Variants in CDH23 observed in about 807,000 individuals in gnomAD.
CDH23 encodes the protein cadherin-23.
Under a neutral mutation model 317.1 loss-of-function variants are expected in CDH23, and 189 were observed. The observed-to-expected ratio is 0.60, with a 90% CI of 0.53 to 0.67. The LOEUF (loss-of-function observed/expected upper bound fraction) is 0.67. Ranked by LOEUF, CDH23 falls within the 30% of genes least tolerant of loss-of-function variation. The pLI is 0.00. For synonymous variants in CDH23, 1,839 were observed against 1,876.8 expected (o/e 0.98, Z 0.52); for missense variants, 4,401 against 4,592.4 (o/e 0.96, Z 1.20).
Position 71,732,090 on chromosome 10 carries a change from C to G in CDH23, c.3819C>G (p.Tyr1273Ter). ...GLIITVNYLD[Y>*]ETKTSYMMNV... Reference sequence around the variant, plus strand: ...TCATCACCGTGAATTACCTGGACTACGAGACCAAGACCAGCTACATGATGA... The same window carrying G: ...TCATCACCGTGAATTACCTGGACTAGGAGACCAAGACCAGCTACATGATGA... Residue 1273 changes from tyrosine (Y) to a stop codon, truncating the protein, a stop_gained, in exon 32 of 70, where the codon TAC becomes TAG. Transcript: ENST00000224721. LOFTEE classifies it high-confidence loss of function. The G allele has an allele frequency of 6.2e-7, 1 of 1,614,028 alleles. No individual in the cohort carries two copies. The highest frequency in any genetic ancestry group is 8.5e-7 in the Non-Finnish European group (1 of 1,179,890).
rs1278278227 is a variant in CDH23 at position 71,793,178 on chromosome 10, ACAG to A, written c.6254-3_6254-1del. On this transcript the variant is annotated splice_acceptor_variant and splice_polypyrimidine_tract_variant and intron_variant, in intron 47 of 69. Coordinates refer to ENST00000224721, the MANE Select transcript of CDH23 (RefSeq NM_022124.6). LOFTEE classifies it high-confidence loss of function. Reference sequence around the variant, plus strand: ...GCAGCTACTCCCTTTTCCCTCTCCAACAGGATTCTCAGTCCTTCAAGTCACAGC... The same window carrying A: ...GCAGCTACTCCCTTTTCCCTCTCCAAGATTCTCAGTCCTTCAAGTCACAGC... 7 of 1,607,780 alleles carry A rather than the reference ACAG, an allele frequency of 4.4e-6. No homozygotes were observed. The highest frequency in any genetic ancestry group is 6.0e-6 in the Non-Finnish European group (7 of 1,176,000).
At chr10:71,635,697 G>A (rs550413978) in intron 11 of CDH23, among the ~76,000 whole-genome samples, 6 of 152,072 alleles carry the variant, frequency 3.9e-5, no homozygotes, top group African/African-American at 9.6e-5. Flanking sequence ...GGGCAAGAAG[G>A]GGGGAGGAAA....
chr10:71,605,476 C>T (rs1860477514), intron 9 of CDH23, among the ~76,000 whole-genome samples: 1 of 152,148 alleles, frequency 6.6e-6, no homozygotes, highest in Admixed American at 6.5e-5. Flanking sequence ...AGGACTGCCT[C>T]CCACAACAAA....
chr10:71,496,427 A>G (rs774018405), intron 3 of CDH23, among the ~76,000 whole-genome samples: 1 of 152,114 alleles, frequency 6.6e-6, no homozygotes, highest in Non-Finnish European at 1.5e-5. Flanking sequence ...GGGTAAGCAC[A>G]TGGAGAACTG....
chr10:71,786,565 T>A (rs1002678229), intron 44 of CDH23, among the ~76,000 whole-genome samples: 2 of 147,812 alleles, frequency 1.4e-5, no homozygotes, highest in Non-Finnish European at 1.5e-5. Flanking sequence ...AATCGTGATC[T>A]CAGCTCACTG....
At chr10:71,522,139 T>TG (rs1243915164) in intron 6 of CDH23, among the ~76,000 whole-genome samples, 2 of 149,640 alleles carry the variant, frequency 1.3e-5, no homozygotes, top group Non-Finnish European at 3.0e-5. Flanking sequence ...TTTTTTTTTT[T>TG]GTCTTATTTT....
chr10:71,698,975 G>A (rs897543419), intron 22 of CDH23, among the ~76,000 whole-genome samples: 3 of 152,180 alleles, frequency 2.0e-5, no homozygotes, highest in Non-Finnish European at 4.4e-5. Flanking sequence ...AATAGGGCTA[G>A]TAAGAGTCCC....
chr10:71,584,072 G>A (rs1034922755), intron 9 of CDH23, among the ~76,000 whole-genome samples: 3 of 152,178 alleles, frequency 2.0e-5, no homozygotes, highest in African/African-American at 7.2e-5. Context: ...TGATGCTGCT[G>A]GTCTGGGGAC....
chr10:71,431,200 T>A (rs1052582925), intron 1 of CDH23, among the ~76,000 whole-genome samples: 32 of 152,326 alleles, frequency 2.1e-4, no homozygotes, highest in African/African-American at 7.7e-4. Context: ...TCTTTTGCTG[T>A]ATGATATTTT....
intron 9 of CDH23, among the ~76,000 whole-genome samples, chr10:71,603,078 G>T (rs563516274): frequency 7.2e-5 from 11 of 152,210 alleles, no homozygotes; most frequent in Admixed American, 6.5e-5. Context: ...TAGATAGGTG[G>T]TCTCTGGTGT....
chr10:71,571,045 G>A (rs1857766621), intron 8 of CDH23, 127 bp downstream of exon 8: 2 of 1,023,242 alleles, frequency 2.0e-6, no homozygotes, highest in Non-Finnish European at 2.9e-6. Context: ...CCCTGTGCGT[G>A]GCAGTGATGA....
chr10:71,614,108 C>T (rs116531528), intron 9 of CDH23, among the ~76,000 whole-genome samples: 54 of 152,292 alleles, frequency 3.5e-4, no homozygotes, highest in African/African-American at 1.2e-3. Flanking sequence ...AATTAATGAC[C>T]CCTCCTCTAT....
intron 6 of CDH23, among the ~76,000 whole-genome samples, chr10:71,514,479 A>G (rs1854166643): frequency 6.6e-6 from 1 of 152,154 alleles, no homozygotes; most frequent in Non-Finnish European, 1.5e-5. Flanking sequence ...CAGGCCAGGA[A>G]CAGCAGGGAG....
chr10:71,767,410 A>G (rs1840576733), intron 38 of CDH23, among the ~76,000 whole-genome samples: 1 of 152,226 alleles, frequency 6.6e-6, no homozygotes, highest in African/African-American at 2.4e-5. Flanking sequence ...ACCAGCTGCT[A>G]GAGGTTGTCA....
intron 9 of CDH23, among the ~76,000 whole-genome samples, chr10:71,598,902 C>G (rs113335602): frequency 3.2e-3 from 487 of 152,314 alleles, no homozygotes; most frequent in African/African-American, 0.011. Context: ...GTGTGGGGCA[C>G]TGGGCCAAGG....
intron 34 of CDH23, among the ~76,000 whole-genome samples, chr10:71,736,004 A>G (rs923840914): frequency 6.6e-6 from 1 of 152,214 alleles, no homozygotes; most frequent in Non-Finnish European, 1.5e-5. Flanking sequence ...CAATGGGCCC[A>G]CCTGGCCCTC....
In CDH23 at chr10:71,806,259, A is replaced by C; in HGVS notation, c.8156A>C (p.Glu2719Ala). The C allele has an allele frequency of 1.3e-6, 2 of 1,565,508 alleles. No homozygotes were observed. The highest frequency in any genetic ancestry group is 1.7e-6 in the Non-Finnish European group (2 of 1,155,420). Reference protein sequence around the residue: ...QVALEDIDDNEPLFVRPPKGS... With the variant: ...QVALEDIDDNAPLFVRPPKGS... ...GCCCTGGAGGACATCGATGACAACG[A>C]ACCCCTTTTCGTGAGGCCTCCAGTG... The change falls in exon 57 of 70, where the codon GAA becomes GCA. Residue 2719 changes from glutamate (E) to alanine (A), a missense_variant. By Grantham distance (107) the Glu-to-Ala change is moderately radical (BLOSUM62 -1). Around this residue, in one of 3 missense-constraint regions of CDH23, gnomAD observed 1,144 missense variants for 1,138.2 expected, o/e 1.01. Transcript: ENST00000224721.
chr10:71,783,177 C>T lies in CDH23; in HGVS notation c.5369-1110C>T, dbSNP rs114013984. ...TCCTGGGGGAATGCGGAGAGGTGGC[C>T]TCTCTTCTGCAGGCTCTCCCAGTTC... is the stretch of plus-strand genomic sequence containing the variant. On this transcript the variant is annotated intron_variant, in intron 41 of 69. Coordinates refer to ENST00000224721, the MANE Select transcript of CDH23 (RefSeq NM_022124.6). 1.0e-3 allele frequency among the ~76,000 whole-genome samples: 158 copies of T among 152,324 alleles called. 1 individual carries two copies. Among genetic ancestry groups the T allele is most frequent in the African/African-American group, 3.6e-3 (151 of 41,576 alleles).
intron 6 of CDH23, among the ~76,000 whole-genome samples, chr10:71,521,692 G>C (rs903019347): frequency 2.0e-5 from 3 of 152,242 alleles, no homozygotes; most frequent in Non-Finnish European, 4.4e-5. Context: ...AGCAAGCCAA[G>C]TGCTAGAGAT....
Sources: allele counts gnomAD v4.1 joint callset (sites outside exome capture counted in the v4.1 genomes callset), GRCh38; gene constraint gnomAD v4.1.1; regional missense constraint gnomAD v4.1.1; transcripts MANE v1.5; gene names NCBI Gene and HGNC (gene_info 2026-07-23, HGNC 2026-07-21).